ERC2: variants seen among roughly 807,000 people sequenced by gnomAD.
ERC2 encodes the protein ELKS/RAB6-interacting/CAST family member 2, also known as ERC protein 2.
Under a neutral mutation model 114.8 loss-of-function variants are expected in ERC2, and 42 were observed. The observed-to-expected ratio is 0.37, with a 90% confidence interval of 0.29 to 0.47. ERC2 has a LOEUF of 0.47. Ranked by LOEUF, ERC2 falls within the 20% of genes least tolerant of loss-of-function variation. The pLI is 0.99. For synonymous variants in ERC2, 454 were observed against 425.5 expected (o/e 1.07, Z -0.82); for missense variants, 939 against 1,150.7 (o/e 0.82, Z 2.66).
At chr3:55,973,801 T>A (rs2069359787) in intron 12 of ERC2, among the ~76,000 whole-genome samples, 1 of 152,182 alleles carries the variant, frequency 6.6e-6, no homozygotes, top group African/African-American at 2.4e-5. Flanking sequence ...CCAAATTACA[T>A]TAAAAATACA....
Position 55,760,495 on chromosome 3 carries a change from T to C in ERC2, c.2565-25577A>G, listed in dbSNP as rs76192067. 4.2e-3 allele frequency among the ~76,000 whole-genome samples: 634 copies of C among 152,326 alleles called. 10 individuals carry two copies. Among genetic ancestry groups the C allele is most frequent in the Admixed American group, 0.025 (380 of 15,310 alleles). On this transcript the variant is annotated intron_variant, in intron 14 of 17. Coordinates refer to ENST00000288221, the MANE Select transcript of ERC2 (RefSeq NM_015576.3). The stretch of plus-strand genomic sequence containing the variant: ...GACTAAGTAGTAAAAATTAGTTACA[T>C]ATTCCAGTTGCTGTTTAATGCATTA...
chr3:56,216,614 A>T (rs2049494594), intron 3 of ERC2, among the ~76,000 whole-genome samples: 1 of 152,238 alleles, frequency 6.6e-6, no homozygotes, highest in Non-Finnish European at 1.5e-5. Context: ...ATCAATAGAA[A>T]GAGGGAATCC....
At chr3:55,908,405 G>A (rs1164524485) in intron 13 of ERC2, among the ~76,000 whole-genome samples, 1 of 151,958 alleles carries the variant, frequency 6.6e-6, no homozygotes, top group Non-Finnish European at 1.5e-5. Flanking sequence ...GAAAGAGTAT[G>A]GGCTGGGACA....
At chr3:56,400,607 A>G (rs983584411) in intron 2 of ERC2, among the ~76,000 whole-genome samples, 1 of 152,242 alleles carries the variant, frequency 6.6e-6, no homozygotes, top group African/African-American at 2.4e-5. Flanking sequence ...GAAAAGTATT[A>G]CATGCTAAGG....
chr3:56,052,426 G>A (rs1488537942), intron 7 of ERC2, among the ~76,000 whole-genome samples: 1 of 152,188 alleles, frequency 6.6e-6, no homozygotes, highest in African/African-American at 2.4e-5. Flanking sequence ...CCCACCACCT[G>A]TTTTTGTAAA....
At chr3:56,093,290 A>G (rs767356906) in intron 6 of ERC2, among the ~76,000 whole-genome samples, 15 of 152,172 alleles carry the variant, frequency 9.9e-5, no homozygotes, top group Non-Finnish European at 2.1e-4. Context: ...ACTCTTATAA[A>G]TCTGGATCAG....
chr3:55,681,629 GA>G (rs1169938766), intron 17 of ERC2, among the ~76,000 whole-genome samples: 2 of 152,148 alleles, frequency 1.3e-5, no homozygotes, highest in African/African-American at 2.4e-5. Context: ...GAGTCATAAA[GA>G]AAGATAAGTA....
chr3:55,540,542 A>T (rs1367236286), intron 17 of ERC2, among the ~76,000 whole-genome samples: 1 of 152,220 alleles, frequency 6.6e-6, no homozygotes, highest in Non-Finnish European at 1.5e-5. Flanking sequence ...ATGAAAGCTC[A>T]GCCACTGAGT....
intron 17 of ERC2, among the ~76,000 whole-genome samples, chr3:55,653,346 T>C (rs2060719494): frequency 1.3e-5 from 2 of 152,198 alleles, no homozygotes; most frequent in Admixed American, 1.3e-4. Context: ...TTACTTGCAA[T>C]AGTGATCACA....
chr3:56,203,079 T>C (rs2048498618), intron 3 of ERC2, among the ~76,000 whole-genome samples: 1 of 152,228 alleles, frequency 6.6e-6, no homozygotes, highest in African/African-American at 2.4e-5. Flanking sequence ...AAAAGATAAG[T>C]TGGTATTGTA....
chr3:56,397,760 C>CT (rs11398394), intron 2 of ERC2, among the ~76,000 whole-genome samples: 3,028 of 152,210 alleles, frequency 0.02, 99 homozygotes, highest in African/African-American at 0.067. Context: ...ATAGATAGTA[C>CT]TTTTTTACAA....
chr3:56,112,405 C>T (rs372602270), intron 6 of ERC2, among the ~76,000 whole-genome samples: 2 of 103,610 alleles, frequency 1.9e-5, no homozygotes, highest in African/African-American at 4.0e-5. Context: ...CAGAGAATAA[C>T]AAACCTTGAG....
At chr3:56,195,999 T>G (rs1046168297) in intron 3 of ERC2, among the ~76,000 whole-genome samples, 1 of 151,778 alleles carries the variant, frequency 6.6e-6, no homozygotes, top group Non-Finnish European at 1.5e-5. Flanking sequence ...CAGCACAGAG[T>G]GTTGTATCAC....
At chr3:56,017,225 T>C (rs1421033738) in intron 8 of ERC2, among the ~76,000 whole-genome samples, 2 of 152,094 alleles carry the variant, frequency 1.3e-5, no homozygotes, top group African/African-American at 4.8e-5. Context: ...TCAGGAAGTG[T>C]TGGAGGAGAG....
At chr3:55,845,157 G>A (rs1047849813) in intron 14 of ERC2, among the ~76,000 whole-genome samples, 1 of 152,092 alleles carries the variant, frequency 6.6e-6, no homozygotes, top group African/African-American at 2.4e-5. Context: ...TTCCTAACAG[G>A]ACATGGATCA....
intron 14 of ERC2, among the ~76,000 whole-genome samples, chr3:55,847,909 C>A (rs1308131696): frequency 1.3e-5 from 2 of 152,132 alleles, no homozygotes; most frequent in African/African-American, 4.8e-5. Flanking sequence ...AATGATCCTC[C>A]TGCCTCAGCC....
At chr3:56,331,847 C>A (rs769164506) in intron 2 of ERC2, among the ~76,000 whole-genome samples, 1 of 152,218 alleles carries the variant, frequency 6.6e-6, no homozygotes, top group Non-Finnish European at 1.5e-5. Flanking sequence ...GTCACCAAGG[C>A]TTGCCTTTTG....
chr3:56,109,257 A>C (rs1188749605), intron 6 of ERC2, among the ~76,000 whole-genome samples: 1 of 152,064 alleles, frequency 6.6e-6, no homozygotes, highest in Non-Finnish European at 1.5e-5. Context: ...TTAACTTGTA[A>C]GTGAGAACAT....
At chr3:55,689,034 T>C (rs1382773230) in intron 16 of ERC2, among the ~76,000 whole-genome samples, 1 of 152,106 alleles carries the variant, frequency 6.6e-6, no homozygotes, top group Non-Finnish European at 1.5e-5. Context: ...CAGTAGGAGA[T>C]GTCCATATTT....
Sources: allele counts gnomAD v4.1 joint callset (sites outside exome capture counted in the v4.1 genomes callset), GRCh38; gene constraint gnomAD v4.1.1; transcripts MANE v1.5; gene names NCBI Gene and HGNC (gene_info 2026-07-23, HGNC 2026-07-21).